KLB: variants seen among roughly 807,000 people sequenced by gnomAD.
The protein encoded by KLB is klotho beta.
A neutral mutation model predicts 88.4 loss-of-function variants in KLB; 44 were observed. The ratio of observed to expected loss-of-function variants is 0.50; its 90% CI spans 0.39 to 0.64. KLB has a LOEUF of 0.64. Ranked by LOEUF, KLB falls within the 30% of genes least tolerant of loss-of-function variation. The pLI is 0.00. For synonymous variants in KLB, 548 were observed against 513.4 expected, an observed-to-expected ratio of 1.07 and a Z score of -0.91; for missense variants, 1,137 against 1,304.8, an observed-to-expected ratio of 0.87 and a Z score of 1.98.
chr4:39,424,009 A>C (rs993636201), intron 1 of KLB, among the ~76,000 whole-genome samples: 18 of 151,916 alleles, frequency 1.2e-4, no homozygotes, highest in African/African-American at 4.4e-4. Flanking sequence ...TGCAAAAATA[A>C]ATAAATGAGC....
intron 1 of KLB, chr4:39,411,924 T>C (rs1742860593): frequency 6.6e-6 from 1 of 151,630 alleles, no homozygotes; most frequent in Non-Finnish European, 1.5e-5. Context: ...AGCTAAGCTA[T>C]GGGTATACTG....
chr4:39,443,321 G>A (rs1743654752), intron 3 of KLB, among the ~76,000 whole-genome samples: 1 of 151,078 alleles, frequency 6.6e-6, no homozygotes, highest in Non-Finnish European at 1.5e-5. Flanking sequence ...CCAGGTGGTC[G>A]AGGATGCAGT....
At chr4:39,448,194 C>A in intron 4 of KLB, 107 bp from the exon 5 acceptor site, 4 of 768,280 alleles carry the variant, frequency 5.2e-6, no homozygotes, top group Non-Finnish European at 8.2e-6. Flanking sequence ...AAAATCACTA[C>A]CTTTATTATG....
intron 1 of KLB, among the ~76,000 whole-genome samples, chr4:39,425,889 G>A (rs572353921): frequency 5.3e-5 from 8 of 152,008 alleles, no homozygotes; most frequent in South Asian, 4.1e-4. Context: ...AGGCTGAGGC[G>A]GGCGGATTAC....
At chr4:39,424,354 A>G (rs527830854) in intron 1 of KLB, among the ~76,000 whole-genome samples, 1 of 151,838 alleles carries the variant, frequency 6.6e-6, no homozygotes, top group Non-Finnish European at 1.5e-5. Context: ...TACAGACATG[A>G]GCTACCACGC....
chr4:39,411,336 G>GTTTTTT (rs58256883), intron 1 of KLB, among the ~76,000 whole-genome samples: 1 of 50,192 alleles, frequency 2.0e-5, no homozygotes, highest in Non-Finnish European at 4.1e-5. Context: ...GTTTTGTTTT[G>GTTTTTT]ATTTTTTTTT....
Position 39,439,541 on chromosome 4 carries a change from T to G in KLB, c.1605+1546T>G, listed in dbSNP as rs2687962. On this transcript the variant is annotated intron_variant, in intron 3 of 4. Transcript: ENST00000257408. ...AGTGCAGCGGTGCGATTTTGGCTCA[T>G]TGTAACCTCTGCCTCCCCAGTTCAA... 2.0e-5 allele frequency among the ~76,000 whole-genome samples: 3 copies of G among 151,948 alleles called. 1 individual carries two copies. The highest frequency in any genetic ancestry group is 4.2e-4 in the South Asian group (2 of 4,818).
chr4:39,412,762 C>A (rs1320700779), intron 1 of KLB, among the ~76,000 whole-genome samples: 2 of 152,104 alleles, frequency 1.3e-5, no homozygotes, highest in South Asian at 2.1e-4. Flanking sequence ...AAAGGAGAGA[C>A]AATTTTTAAA....
At chr4:39,411,036 A>G (rs1742828891) in intron 1 of KLB, among the ~76,000 whole-genome samples, 1 of 151,794 alleles carries the variant, frequency 6.6e-6, no homozygotes, top group African/African-American at 2.4e-5. Context: ...GGATGAACCA[A>G]CTCTAAGTTT....
Position 39,416,413 on chromosome 4 carries a change from T to C in KLB, c.825+8639T>C, listed in dbSNP as rs188407575. On this transcript the variant is annotated intron_variant, in intron 1 of 4. Transcript: ENST00000257408. Reference sequence around the variant, plus strand: ...TTTCCAACAAGAAACTAAAAAAAACTTTTTTTAAATCTTCATATAGTTCTC... The same window carrying C: ...TTTCCAACAAGAAACTAAAAAAAACCTTTTTTAAATCTTCATATAGTTCTC... Among the ~76,000 whole-genome samples, 138 of 152,270 alleles carry C rather than the reference T, an allele frequency of 9.1e-4. 2 individuals carry two copies. Among genetic ancestry groups the C allele is most frequent in the African/African-American group, 2.8e-3 (117 of 41,568 alleles).
At chr4:39,445,539 T>A (rs1265886716) in intron 3 of KLB, among the ~76,000 whole-genome samples, 2 of 148,912 alleles carry the variant, frequency 1.3e-5, no homozygotes, top group African/African-American at 4.9e-5. Flanking sequence ...GTTTTTGCTC[T>A]TGTTGCCGAG....
At chr4:39,427,981 G>C (rs967309722) in intron 1 of KLB, among the ~76,000 whole-genome samples, 5 of 152,152 alleles carry the variant, frequency 3.3e-5, no homozygotes, top group Admixed American at 2.6e-4. Flanking sequence ...TTCCCGTATA[G>C]TACCAGGTAG....
chr4:39,424,785 C>CAT (rs1743166559), intron 1 of KLB, among the ~76,000 whole-genome samples: 2 of 151,982 alleles, frequency 1.3e-5, no homozygotes, highest in African/African-American at 4.8e-5. Flanking sequence ...TGTGCCACCA[C>CAT]GCCTGGCTAA....
At chr4:39,407,823 T>G in intron 1 of KLB, 49 bp downstream of exon 1, 1 of 1,123,434 alleles carries the variant, frequency 8.9e-7, no homozygotes, top group South Asian at 2.3e-5. Flanking sequence ...CACTAAGAAT[T>G]TAAGAATTTA....
intron 1 of KLB, among the ~76,000 whole-genome samples, chr4:39,424,885 T>G (rs573906154): frequency 2.0e-5 from 3 of 152,104 alleles, no homozygotes; most frequent in Admixed American, 6.6e-5. Context: ...CGCCTCGGCC[T>G]CCCAAAGTGC....
At position 39,448,497 on chromosome 4, in the gene KLB, T is replaced by C; in HGVS notation, c.2946T>C (p.Asn982=). The C allele has an allele frequency of 1.9e-6, 3 of 1,614,168 alleles. No homozygotes were observed. Among genetic ancestry groups the C allele is most frequent in the Non-Finnish European group, 1.7e-6 (2 of 1,180,008 alleles). Reference sequence around the variant, plus strand: ...CTAGATGCAGTCAGACCCAAGAAAATACAGAGTGCACTGTCTGCTTATTCC... The same window carrying C: ...CTAGATGCAGTCAGACCCAAGAAAACACAGAGTGCACTGTCTGCTTATTCC... ...SSSRCSQTQE[N]TECTVCLFLV... Residue 982 remains asparagine (N), a synonymous_variant, in exon 5 of 5, where the codon AAT becomes AAC. Transcript: ENST00000257408.
At chr4:39,443,591 A>C (rs1367831101) in intron 3 of KLB, among the ~76,000 whole-genome samples, 1 of 119,588 alleles carries the variant, frequency 8.4e-6, no homozygotes, top group African/African-American at 3.3e-5. Context: ...TCCTGTCTCT[A>C]CAAAAAAAAA....
intron 1 of KLB, among the ~76,000 whole-genome samples, chr4:39,415,039 A>G (rs1742939058): frequency 6.6e-6 from 1 of 151,842 alleles, no homozygotes; most frequent in Admixed American, 6.6e-5. Context: ...CAGCCTCCCA[A>G]GTAGCTGGGA....
At chr4:39,418,486 A>C (rs1390209903) in intron 1 of KLB, among the ~76,000 whole-genome samples, 1 of 151,312 alleles carries the variant, frequency 6.6e-6, no homozygotes, top group Non-Finnish European at 1.5e-5. Context: ...TGATCCATCC[A>C]CCTCAGCCTC....
Sources: gnomAD v4.1 joint callset for allele counts (sites outside exome capture counted in the v4.1 genomes callset) on GRCh38, gnomAD v4.1.1 for gene constraint, MANE v1.5 for transcripts, NCBI Gene and HGNC (gene_info 2026-07-23, HGNC 2026-07-21) for gene names.